LRP1: variants seen among roughly 807,000 people sequenced by gnomAD.
LRP1 encodes the protein prolow-density lipoprotein receptor-related protein 1.
In LRP1, 51 loss-of-function variants were observed where a neutral mutation model predicts 541.5. The ratio of observed to expected loss-of-function variants is 0.09; its 90% CI spans 0.08 to 0.12. The LOEUF is 0.12. Ranked by LOEUF, LRP1 falls within the 10% of genes least tolerant of loss-of-function variation. The probability of loss-of-function intolerance (pLI) is 1.00; values close to 1 mark genes in which losing one functional copy is unlikely to be tolerated. For missense variants in LRP1, 3,878 were observed against 6,376.2 expected, an observed-to-expected ratio of 0.61 and a Z score of 13.34; for synonymous variants, 2,219 against 2,470.8, an observed-to-expected ratio of 0.90 and a Z score of 3.02.
Position 57,141,755 on chromosome 12 carries a change from C to T in LRP1, c.328+244C>T, listed in dbSNP as rs149794912. 2.1e-3 allele frequency among the ~76,000 whole-genome samples: 315 copies of T among 152,282 alleles called. 1 individual carries two copies. Among genetic ancestry groups the T allele is most frequent in the African/African-American group, 7.2e-3 (299 of 41,560 alleles). On this transcript the variant is annotated intron_variant, in intron 3 of 88. Coordinates refer to ENST00000243077, the MANE Select transcript of LRP1 (RefSeq NM_002332.3). The stretch of plus-strand genomic sequence containing the variant: ...TTCCCTCTGGCTATGTGTTCTTGGA[C>T]TAGTCACTACCTCTCTCCAGGTGGC...
Position 57,201,987 on chromosome 12 carries a change from G to A in LRP1, c.10594+82G>A, listed in dbSNP as rs1023335047. 19 of 1,566,706 alleles carry A rather than the reference G, an allele frequency of 1.2e-5. No individual in the cohort carries two copies. Among genetic ancestry groups the A allele is most frequent in the Admixed American group, 3.4e-5 (2 of 59,466 alleles). ...ACCCCTGGCAGGTGGAGGGCTGGGG[G>A]CCGCCTGCTTACCGGTCTCAGCGTG... On this transcript the variant is annotated intron_variant, in intron 67 of 88. Transcript: ENST00000243077. The surrounding 1 kb of genome is among the most constrained non-coding windows in gnomAD (Gnocchi z 6.4).
chr12:57,154,641 C>A lies in LRP1; in HGVS notation c.1167C>A (p.Asp389Glu), dbSNP rs758647924. 6.3e-7 allele frequency: 1 copy of A among 1,596,852 alleles called. No individual in the cohort carries two copies. Among genetic ancestry groups the A allele is most frequent in the South Asian group, 1.1e-5 (1 of 88,660 alleles). The change falls in exon 8 of 89, where the codon GAC becomes GAA. Residue 389 changes from aspartate to glutamate, a missense_variant. Physicochemically the swap from Asp to Glu is conservative, Grantham distance 45. This residue lies in a region of LRP1 where 496 missense variants were observed against 861.0 expected (regional missense o/e 0.58). Transcript: ENST00000243077. This position sits in a 1 kb window ranked among gnomAD's most constrained non-coding sequence, Gnocchi z 4.6. Reference sequence around the variant, plus strand: ...TCTACTGGGCAGATGCCTATCTGGACTATATTGAAGTGGTGGACTATGAGG... The same window carrying A: ...TCTACTGGGCAGATGCCTATCTGGAATATATTGAAGTGGTGGACTATGAGG... ...RLVYWADAYL[D>E]YIEVVDYEGK...
rs774373132 is a variant in LRP1 at position 57,149,012 on chromosome 12, G to T, written c.841+3522G>T. The T allele has an allele frequency of 3.0e-6, 2 of 676,516 alleles. 1 individual carries two copies. The highest frequency in any genetic ancestry group is 3.3e-5 in the South Asian group (2 of 60,884). The allele number at this position is 676,516 out of a possible 1,614,324, so 41.9% of individuals were successfully genotyped here. On this transcript the variant is annotated intron_variant, in intron 6 of 88. Transcript: ENST00000243077. ...TGTTTTCGAAATCACAACAGGAAAT[G>T]GGGTAGTGATTTGTCTAGAGGGGAG...
Position 57,179,646 on chromosome 12 carries a change from C to A in LRP1, c.4966+90C>A. 7.0e-7 allele frequency: 1 copy of A among 1,428,208 alleles called. No individual in the cohort carries two copies. The highest frequency in any genetic ancestry group is 9.8e-7 in the Non-Finnish European group (1 of 1,023,966). The allele number at this position is 1,428,208 out of a possible 1,614,324, so 88.5% of individuals were successfully genotyped here. A position where few individuals can be genotyped will look rare whatever the true frequency, so the allele number is the denominator to read the frequency against. ...CCCTGGTCTACTTGGTCCGAGTGGT[C>A]CTTCTCCCAGTCCTGTTCCCCCTCA... On this transcript the variant is annotated intron_variant, in intron 29 of 88. Transcript: ENST00000243077. This position sits in a 1 kb window ranked among gnomAD's most constrained non-coding sequence, Gnocchi z 6.8.
chr12:57,213,161 C>G lies in LRP1; in HGVS notation c.*606C>G, dbSNP rs923860125. The G allele has an allele frequency of 2.6e-5, 4 of 151,866 alleles. No individual in the cohort carries two copies. The highest frequency in any genetic ancestry group is 9.7e-5 in the African/African-American group (4 of 41,300). The allele number at this position is 151,866 out of a possible 1,614,324, so 9.4% of individuals were successfully genotyped here. On this transcript the variant is annotated 3_prime_UTR_variant, in exon 89 of 89. Coordinates refer to ENST00000243077, the MANE Select transcript of LRP1 (RefSeq NM_002332.3). ...AGGGCCCCCACCGAGGTTCCCAGGGCTGGAGACTTCCTCTGGTAAACATTC... is the reference window on the plus strand; with the variant it reads ...AGGGCCCCCACCGAGGTTCCCAGGGGTGGAGACTTCCTCTGGTAAACATTC...
chr12:57,200,653 C>G, intron 63 of LRP1, 46 bp from the exon 64 acceptor site: 2 of 1,569,192 alleles, frequency 1.3e-6, no homozygotes, highest in Non-Finnish European at 8.8e-7. Context: ...TGGACCTGGC[C>G]GTGTCCACCC....
chr12:57,174,016 G>A (rs778563013), intron 22 of LRP1, 36 bp downstream of exon 22: 3 of 1,602,394 alleles, frequency 1.9e-6, no homozygotes, highest in East Asian at 4.5e-5. Context: ...TAGGGAGGGT[G>A]GCTGGGTAGG....
intron 48 of LRP1, 23 bp downstream of exon 48, chr12:57,194,035 A>C: frequency 6.2e-7 from 1 of 1,602,632 alleles, no homozygotes; most frequent in South Asian, 1.1e-5. Context: ...CTTTGCTGGC[A>C]CCTCCTGGGC....
rs761121856 is a variant in LRP1 at position 57,201,964 on chromosome 12, C to T, written c.10594+59C>T. The T allele has an allele frequency of 6.2e-7, 1 of 1,603,892 alleles. No homozygotes were observed. Among genetic ancestry groups the T allele is most frequent in the Non-Finnish European group, 8.5e-7 (1 of 1,173,052 alleles). ...TCTACCTGGGTGGGAGGCATGGCAC[C>T]CCTGGCAGGTGGAGGGCTGGGGGCC... On this transcript the variant is annotated intron_variant, in intron 67 of 88. Coordinates refer to ENST00000243077, the MANE Select transcript of LRP1 (RefSeq NM_002332.3). This position sits in a 1 kb window ranked among gnomAD's most constrained non-coding sequence, Gnocchi z 6.4.
chr12:57,180,455 A>C lies in LRP1; in HGVS notation c.5362A>C (p.Lys1788Gln). The C allele has an allele frequency of 6.2e-7, 1 of 1,614,070 alleles. No individual in the cohort carries two copies. Among genetic ancestry groups the C allele is most frequent in the Non-Finnish European group, 8.5e-7 (1 of 1,180,032 alleles). Residue 1788 changes from lysine (K) to glutamine (Q), a missense_variant, in exon 32 of 89, where the codon AAG becomes CAG. Physicochemically the swap from Lys to Gln is moderately conservative, Grantham distance 53 (BLOSUM62 1). Transcript: ENST00000243077. ...VIDAMRSQLG[K>Q]ATALAIMGDK... ...CGATGCCATGCGGAGCCAGCTGGGC[A>C]AGGCCACCGCCCTGGCCATCATGGG...
At chr12:57,208,999 C>A in intron 78 of LRP1, 84 bp from the exon 79 acceptor site, 1 of 1,200,390 alleles carries the variant, frequency 8.3e-7, no homozygotes, top group Non-Finnish European at 1.2e-6. Flanking sequence ...CAGGGTGGAG[C>A]TGTCCCGGGC....
At chr12:57,172,075 T>C (rs2035955220) in intron 20 of LRP1, among the ~76,000 whole-genome samples, 1 of 151,010 alleles carries the variant, frequency 6.6e-6, no homozygotes, top group South Asian at 2.1e-4. Flanking sequence ...TTTTTTTTTT[T>C]TTGAGATGGA....
At chr12:57,157,007 TG>T (rs1447359175) in intron 10 of LRP1, 87 bp downstream of exon 10, 1 of 1,424,226 alleles carries the variant, frequency 7.0e-7, no homozygotes, top group Non-Finnish European at 9.3e-7. Flanking sequence ...TGCCTCTGTC[TG>T]ACATGCAGGG....
chr12:57,129,335 C>T (rs1322345408), intron 1 of LRP1, among the ~76,000 whole-genome samples: 2 of 151,964 alleles, frequency 1.3e-5, no homozygotes, highest in Non-Finnish European at 2.9e-5. Context: ...TATCTCTGTT[C>T]GGGGAGGGCC....
chr12:57,156,985 C>A lies in LRP1; in HGVS notation c.1561+65C>A, dbSNP rs1565723465. The A allele has an allele frequency of 6.8e-7, 1 of 1,474,188 alleles. No homozygotes were observed. The highest frequency in any genetic ancestry group is 2.4e-5 in the East Asian group (1 of 42,366). The allele number at this position is 1,474,188 out of a possible 1,614,324, so 91.3% of individuals were successfully genotyped here. A position where few individuals can be genotyped will look rare whatever the true frequency, so the allele number is the denominator to read the frequency against. On this transcript the variant is annotated intron_variant, in intron 10 of 88. Coordinates refer to ENST00000243077, the MANE Select transcript of LRP1 (RefSeq NM_002332.3). The surrounding 1 kb of genome is among the most constrained non-coding windows in gnomAD (Gnocchi z 5.2). ...TGCGGGAGGGTTCCTCAGGTGTCCC[C>A]CACAGCCCGGCTGCCTCTGTCTGAC...
intron 20 of LRP1, among the ~76,000 whole-genome samples, chr12:57,172,207 G>A (rs529878223): frequency 1.3e-5 from 2 of 150,438 alleles, no homozygotes; most frequent in South Asian, 2.1e-4. Context: ...GAGTCTCTCT[G>A]TCGCCCAGGC....
Position 57,202,511 on chromosome 12 carries a change from G to T in LRP1, c.10685G>T (p.Gly3562Val). ...CAGTGCGACTACGACAACGATTGCG[G>T]TGACAACTCCGATGAAGAGAGCTGC... Reference protein sequence around the residue: ...RWQCDYDNDCGDNSDEESCTP... With the variant: ...RWQCDYDNDCVDNSDEESCTP... Residue 3562 changes from glycine (G) to valine (V), a missense_variant, in exon 68 of 89, where the codon GGT becomes GTT. Coordinates refer to ENST00000243077, the MANE Select transcript of LRP1 (RefSeq NM_002332.3). 2 of 1,613,018 alleles carry T rather than the reference G, an allele frequency of 1.2e-6. No individual in the cohort carries two copies. Among genetic ancestry groups the T allele is most frequent in the Non-Finnish European group, 1.7e-6 (2 of 1,179,814 alleles).
Position 57,178,452 on chromosome 12 carries a change from G to T in LRP1, c.4455G>T (p.Thr1485=). The T allele has an allele frequency of 1.9e-6, 3 of 1,614,232 alleles. No homozygotes were observed. Among genetic ancestry groups the T allele is most frequent in the Non-Finnish European group, 2.5e-6 (3 of 1,180,028 alleles). ...TCCTGTCGCACCCGTTTGCAGTGAC[G>T]CTGTACGGGGGGGAGGTCTACTGGA... ...HEFLSHPFAV[T]LYGGEVYWTD... The change falls in exon 27 of 89, where the codon ACG becomes ACT. Residue 1485 remains threonine (T), a synonymous_variant. Coordinates refer to ENST00000243077, the MANE Select transcript of LRP1 (RefSeq NM_002332.3). The surrounding 1 kb of genome is among the most constrained non-coding windows in gnomAD (Gnocchi z 5.8).
Position 57,206,652 on chromosome 12 carries a change from A to G in LRP1, c.11770A>G (p.Ile3924Val), listed in dbSNP as rs963679066. The change falls in exon 76 of 89, where the codon ATC becomes GTC. Residue 3924 changes from isoleucine to valine, a missense_variant. Coordinates refer to ENST00000243077, the MANE Select transcript of LRP1 (RefSeq NM_002332.3). The surrounding 1 kb of genome is among the most constrained non-coding windows in gnomAD (Gnocchi z 4.7). Reference protein sequence around the residue: ...VYWTNWHTGTISYRSLPPAAP... With the variant: ...VYWTNWHTGTVSYRSLPPAAP... ...TTGGACCAACTGGCACACGGGCACC[A>G]TCTCCTACCGCAGCCTGCCACCTGC... 6 of 1,613,918 alleles carry G rather than the reference A, an allele frequency of 3.7e-6. No homozygotes were observed. The Admixed American group carries it at 5.0e-5, about 13-fold the overall frequency.
Sources: allele counts gnomAD v4.1 joint callset (sites outside exome capture counted in the v4.1 genomes callset), GRCh38; gene constraint gnomAD v4.1.1; regional missense constraint gnomAD v4.1.1; non-coding constraint Gnocchi (gnomAD v3.1); transcripts MANE v1.5; gene names NCBI Gene and HGNC (gene_info 2026-07-23, HGNC 2026-07-21).